The following ANAPC10 variants were observed in gnomAD, a reference collection of about 807,000 sequenced individuals.
ANAPC10 encodes anaphase promoting complex subunit 10, also known as anaphase-promoting complex subunit 10.
Under a neutral mutation model 22.0 loss-of-function variants are expected in ANAPC10, and 12 were observed. The ratio of observed to expected loss-of-function variants is 0.55; its 90% CI spans 0.35 to 0.88. The LOEUF (loss-of-function observed/expected upper bound fraction) is 0.88. Ranked by LOEUF, ANAPC10 falls within the 40% of genes least tolerant of loss-of-function variation. The probability of loss-of-function intolerance (pLI) is 0.01; values close to 1 mark genes in which losing one functional copy is unlikely to be tolerated. For missense variants in ANAPC10, 188 were observed against 220.9 expected, an observed-to-expected ratio of 0.85 and a Z score of 0.94; for synonymous variants, 65 against 69.5, an observed-to-expected ratio of 0.94 and a Z score of 0.32.
At chr4:145,067,111 AAGGT>A (rs1434616578) in intron 3 of ANAPC10, among the ~76,000 whole-genome samples, 6 of 152,206 alleles carry the variant, frequency 3.9e-5, no homozygotes, top group African/African-American at 1.4e-4. Context: ...AAATAATTAA[AAGGT>A]AGAGTAAAAA....
chr4:145,088,726 A>C (rs1184894926), intron 2 of ANAPC10, among the ~76,000 whole-genome samples: 1 of 152,226 alleles, frequency 6.6e-6, no homozygotes, highest in Admixed American at 6.5e-5. Flanking sequence ...CAGTGGACAC[A>C]GTCATCTTTT....
At chr4:145,054,513 C>T (rs1158146790) in intron 4 of ANAPC10, among the ~76,000 whole-genome samples, 4 of 148,528 alleles carry the variant, frequency 2.7e-5, no homozygotes, top group African/African-American at 5.0e-5. Flanking sequence ...AGCGAGATCG[C>T]GCCACTGCAC....
At chr4:145,088,887 T>C (rs1747271768) in intron 2 of ANAPC10, among the ~76,000 whole-genome samples, 1 of 152,178 alleles carries the variant, frequency 6.6e-6, no homozygotes, top group Non-Finnish European at 1.5e-5. Context: ...CACTCTACCA[T>C]TTCTCCTCCT....
At chr4:145,045,566 C>T (rs1186270555) in intron 4 of ANAPC10, among the ~76,000 whole-genome samples, 1 of 152,130 alleles carries the variant, frequency 6.6e-6, no homozygotes, top group African/African-American at 2.4e-5. Flanking sequence ...TGATCAACAA[C>T]TTGAAGGAGA....
chr4:145,031,698 T>C (rs542097457), intron 4 of ANAPC10, among the ~76,000 whole-genome samples: 71 of 152,214 alleles, frequency 4.7e-4, no homozygotes, highest in Non-Finnish European at 9.0e-4. Context: ...CAGTGGCAGA[T>C]AGGGATGCTG....
intron 4 of ANAPC10, among the ~76,000 whole-genome samples, chr4:145,003,694 G>T (rs1732915463): frequency 6.6e-6 from 1 of 152,112 alleles, no homozygotes; most frequent in Non-Finnish European, 1.5e-5. Context: ...TGTTCCATTG[G>T]TGTATGTGTC....
chr4:145,026,366 T>C (rs2127018420), intron 4 of ANAPC10, among the ~76,000 whole-genome samples: 1 of 152,132 alleles, frequency 6.6e-6, no homozygotes, highest in South Asian at 2.1e-4. Flanking sequence ...GTTCTAGTAA[T>C]AAACGTAATC....
chr4:145,016,143 T>C (rs961119992), intron 4 of ANAPC10, among the ~76,000 whole-genome samples: 6 of 151,994 alleles, frequency 3.9e-5, no homozygotes, highest in African/African-American at 1.5e-4. Context: ...GAGAAAGAAA[T>C]AAAGGGTATT....
chr4:145,026,920 C>CATATAT (rs150548781), intron 4 of ANAPC10, among the ~76,000 whole-genome samples: 366 of 17,004 alleles, frequency 0.022, 17 homozygotes, highest in Non-Finnish European at 0.04. Context: ...CCTATACATA[C>CATATAT]ATATATATAT....
chr4:145,040,851 T>C (rs1739403266), intron 4 of ANAPC10, among the ~76,000 whole-genome samples: 2 of 152,178 alleles, frequency 1.3e-5, no homozygotes, highest in South Asian at 2.1e-4. Context: ...ATGTGGAACT[T>C]TGAAGGGGAC....
intron 4 of ANAPC10, among the ~76,000 whole-genome samples, chr4:145,001,454 A>C (rs981234310): frequency 2.6e-5 from 4 of 152,192 alleles, no homozygotes; most frequent in Non-Finnish European, 5.9e-5. Flanking sequence ...GTGGTTGCCA[A>C]GGGGAAAGAG....
At chr4:145,035,872 T>TC (rs1229004428) in intron 4 of ANAPC10, among the ~76,000 whole-genome samples, 1 of 152,178 alleles carries the variant, frequency 6.6e-6, no homozygotes, top group African/African-American at 2.4e-5. Flanking sequence ...CCCCTGGTCT[T>TC]CCTCAGCACT....
chr4:145,078,244 C>A (rs971498762), intron 3 of ANAPC10, among the ~76,000 whole-genome samples: 1 of 151,642 alleles, frequency 6.6e-6, no homozygotes, highest in East Asian at 1.9e-4. Context: ...AAGCTAAGTG[C>A]CAAATCAAGA....
chr4:145,046,232 T>C (rs1479757698), intron 4 of ANAPC10, among the ~76,000 whole-genome samples: 1 of 152,118 alleles, frequency 6.6e-6, no homozygotes, highest in Non-Finnish European at 1.5e-5. Context: ...CTAAAAGTCA[T>C]GGCAGTTAAG....
At chr4:145,061,043 G>T (rs1159055176) in intron 4 of ANAPC10, among the ~76,000 whole-genome samples, 1 of 152,038 alleles carries the variant, frequency 6.6e-6, no homozygotes. Context: ...TGAGAACTAT[G>T]GCAGAAAAGT....
In ANAPC10 at chr4:145,057,759, G is replaced by A. The variant is rs988547601; in HGVS notation, c.327+6813C>T. Among the ~76,000 whole-genome samples, 106 of 151,952 alleles carry A rather than the reference G, an allele frequency of 7.0e-4. 1 individual carries two copies. Among genetic ancestry groups the A allele is most frequent in the Non-Finnish European group, 1.2e-3 (82 of 67,990 alleles). On this transcript the variant is annotated intron_variant, in intron 4 of 4. Transcript: ENST00000507656. ...CCCTCAGAATGTTCCTTCTCTGTAT[G>A]CCATTACTAGTAAATGCCAACTTTC... is the stretch of plus-strand genomic sequence containing the variant.
intron 4 of ANAPC10, among the ~76,000 whole-genome samples, chr4:145,054,099 G>A (rs1741547690): frequency 6.6e-6 from 1 of 151,424 alleles, no homozygotes; most frequent in Admixed American, 6.6e-5. Flanking sequence ...AGTAGAGATG[G>A]GGTTTCACCA....
intron 4 of ANAPC10, among the ~76,000 whole-genome samples, chr4:144,998,491 A>G (rs1295314064): frequency 6.6e-6 from 1 of 152,222 alleles, no homozygotes; most frequent in African/African-American, 2.4e-5. Context: ...CTACATGGAA[A>G]CTGAACAACC....
intron 4 of ANAPC10, among the ~76,000 whole-genome samples, chr4:144,998,005 G>C (rs1731892855): frequency 6.6e-6 from 1 of 152,148 alleles, no homozygotes; most frequent in African/African-American, 2.4e-5. Flanking sequence ...TAATGGTAAA[G>C]GGATCAATTC....
Sources: allele counts gnomAD v4.1 joint callset (sites outside exome capture counted in the v4.1 genomes callset), GRCh38; gene constraint gnomAD v4.1.1; transcripts MANE v1.5; gene names NCBI Gene and HGNC (gene_info 2026-07-23, HGNC 2026-07-21).